The following ARHGEF40 variants were observed in gnomAD, a reference collection of about 807,000 sequenced individuals.
ARHGEF40 encodes Rho guanine nucleotide exchange factor 40, also known as Rho guanine nucleotide exchange factor (GEF) 40.
ARHGEF40 carries 98 observed loss-of-function variants against 165.9 expected under a neutral mutation model. That is an observed-to-expected ratio of 0.59 (90% confidence interval 0.50 to 0.70). ARHGEF40 has a LOEUF of 0.70. ARHGEF40 is among the 30% of genes least tolerant of loss of function. ARHGEF40 has a pLI of 0.00. For synonymous variants in ARHGEF40, 792 were observed against 814.3 expected, an observed-to-expected ratio of 0.97 and a Z score of 0.47; for missense variants, 1,815 against 1,968.0, an observed-to-expected ratio of 0.92 and a Z score of 1.47.
rs1887303847 is a variant in ARHGEF40, at chr14:21,075,162, G to A, written c.1432G>A (p.Gly478Ser). Residue 478 changes from glycine to serine, a missense_variant, in exon 3 of 24, where the codon GGC (glycine) becomes AGC (serine). Coordinates refer to ENST00000298694, the MANE Select transcript of ARHGEF40 (RefSeq NM_018071.5). This position sits in a 1 kb window ranked among gnomAD's most constrained non-coding sequence, Gnocchi z 4.5. ...GAGERELEGP[G>S]LLCMAGHTGP... ...CGGAGAGAGAGAGCTGGAGGGGCCA[G>A]GCCTGCTGTGTATGGCAGGTGAGAT... The A allele has an allele frequency of 1.9e-6, 3 of 1,603,188 alleles. No homozygotes were observed. The highest frequency in any genetic ancestry group is 2.6e-6 in the Non-Finnish European group (3 of 1,175,538).
chr14:21,075,242 G>T lies in ARHGEF40; in HGVS notation c.1450+62G>T. ...CCAAAGCAGGTCGGGCCTATGGGAG[G>T]GGGCAGGAGGAGGAGCAGGGTTAGG... On this transcript the variant is annotated intron_variant, in intron 3 of 23. Coordinates refer to ENST00000298694, the MANE Select transcript of ARHGEF40 (RefSeq NM_018071.5). The surrounding 1 kb of genome is among the most constrained non-coding windows in gnomAD (Gnocchi z 4.5). The T allele has an allele frequency of 1.3e-6, 2 of 1,586,630 alleles. No homozygotes were observed. Among genetic ancestry groups the T allele is most frequent in the Non-Finnish European group, 1.7e-6 (2 of 1,167,090 alleles).
chr14:21,068,092 C>T (rs1419780009), upstream of ARHGEF40, among the ~76,000 whole-genome samples: 2 of 44,608 alleles, frequency 4.5e-5, 1 homozygote, highest in Non-Finnish European at 1.2e-4. Context: ...CTCCGCCTCC[C>T]GGGTTCACGC....
rs1396681426 is a variant in ARHGEF40 at position 21,073,052 on chromosome 14, A to G, written c.11A>G (p.Glu4Gly). Residue 4 changes from glutamate (E) to glycine (G), a missense_variant, in exon 2 of 24, where the codon GAG becomes GGG. Physicochemically the swap from Glu to Gly is moderately conservative, Grantham distance 98. Coordinates refer to ENST00000298694, the MANE Select transcript of ARHGEF40 (RefSeq NM_018071.5). The surrounding 1 kb of genome is among the most constrained non-coding windows in gnomAD (Gnocchi z 4.6). ...CTGGTCCTATCTCTACAGGAGCCTG[A>G]GCCAGTGGAGGACTGTGTGCAGAGC... MEPEPVEDCVQSTL... is the reference protein window; with the variant it reads MEPGPVEDCVQSTL... 29 of 1,613,856 alleles carry G rather than the reference A, an allele frequency of 1.8e-5. No homozygotes were observed. Among genetic ancestry groups the G allele is most frequent in the Non-Finnish European group, 2.5e-5 (29 of 1,179,788 alleles).
upstream of ARHGEF40, chr14:21,070,297 C>T (rs898560927): frequency 1.3e-5 from 17 of 1,326,662 alleles, no homozygotes; most frequent in African/African-American, 6.2e-5. This position sits in a 1 kb window ranked among gnomAD's most constrained non-coding sequence, Gnocchi z 4.7. Flanking sequence ...GGAGCTGTCC[C>T]TTAGCCAGAC....
chr14:21,081,021 A>T lies in ARHGEF40; in HGVS notation c.2640+5A>T. 2 of 1,610,328 alleles carry T rather than the reference A, an allele frequency of 1.2e-6. No homozygotes were observed. Among genetic ancestry groups the T allele is most frequent in the Non-Finnish European group, 1.7e-6 (2 of 1,178,184 alleles). ...CTACAGCGCTTCTTCCAGCAGGTGC[A>T]TGCAGAGCCTTTTCCTTCTGTGCCC... On this transcript the variant is annotated splice_donor_5th_base_variant and intron_variant, in intron 13 of 23. Transcript: ENST00000298694.
At chr14:21,064,980 G>A in the ARHGEF40 span, among the ~76,000 whole-genome samples, 1 of 152,162 alleles carries the variant, frequency 6.6e-6, no homozygotes. Context: ...AGACCAGCCT[G>A]AGCAACATGC....
intron 11 of ARHGEF40, 56 bp from the exon 12 acceptor site, chr14:21,080,604 C>G: frequency 6.4e-7 from 1 of 1,560,316 alleles, no homozygotes. Context: ...TGGATCTCAG[C>G]CCTTCCTTGC....
chr14:21,083,065 G>T (rs1229152219), intron 16 of ARHGEF40, 148 bp downstream of exon 16: 2 of 724,338 alleles, frequency 2.8e-6, no homozygotes, highest in Non-Finnish European at 2.3e-6. Context: ...GGTGGGACAA[G>T]CACCGGACTG....
chr14:21,088,212 C>G, intron 22 of ARHGEF40, 114 bp downstream of exon 22: 1 of 1,302,536 alleles, frequency 7.7e-7, no homozygotes, highest in Middle Eastern at 2.7e-4. Context: ...AACTTGTGCT[C>G]CCAGCTGAGG....
At chr14:21,088,175 C>A in intron 22 of ARHGEF40, 77 bp downstream of exon 22, 1 of 1,502,754 alleles carries the variant, frequency 6.7e-7, no homozygotes, top group Non-Finnish European at 8.9e-7. Context: ...GATCATTCAA[C>A]CCCAGGGGGG....
At chr14:21,069,766 T>C (rs1566516520), upstream of ARHGEF40, among the ~76,000 whole-genome samples, 2 of 152,078 alleles carry the variant, frequency 1.3e-5, no homozygotes, top group Non-Finnish European at 2.9e-5. Context: ...CTCCGCTCTC[T>C]GCTAGGCAGG....
chr14:21,078,464 G>C lies in ARHGEF40; in HGVS notation c.2222G>C (p.Arg741Thr), dbSNP rs1291748871. Residue 741 changes from arginine to threonine, a missense_variant, in exon 10 of 24, where the codon AGG (arginine) becomes ACG (threonine). Transcript: ENST00000298694. ...LQRDGGAILM[R>T]LRSTPSSKLE... ...AGGGATGGGGGGGCCATCCTGATGA[G>C]GCTGCGCTCCACTCCCAGCAGCAAG... 1 of 1,601,646 alleles carries C rather than the reference G, an allele frequency of 6.2e-7. No individual in the cohort carries two copies. The highest frequency in any genetic ancestry group is 8.5e-7 in the Non-Finnish European group (1 of 1,172,824).
chr14:21,074,465 G>A lies in ARHGEF40; in HGVS notation c.735G>A (p.Leu245=), dbSNP rs1887232441. ...VEGPEGEYVE[L]LEVTLPVRGS... Reference sequence around the variant, plus strand: ...GACCTGAGGGCGAGTATGTGGAGCTGTTAGAGGTGACGCTGCCCGTGAGGG... The same window carrying A: ...GACCTGAGGGCGAGTATGTGGAGCTATTAGAGGTGACGCTGCCCGTGAGGG... Residue 245 remains leucine (L), a synonymous_variant, in exon 3 of 24, where the codon CTG becomes CTA. Coordinates refer to ENST00000298694, the MANE Select transcript of ARHGEF40 (RefSeq NM_018071.5). The surrounding 1 kb of genome is among the most constrained non-coding windows in gnomAD (Gnocchi z 4.8). The A allele has an allele frequency of 6.3e-7, 1 of 1,584,926 alleles. No individual in the cohort carries two copies. Among genetic ancestry groups the A allele is most frequent in the Non-Finnish European group, 8.6e-7 (1 of 1,165,604 alleles).
Position 21,074,532 on chromosome 14 carries a change from G to A in ARHGEF40, c.802G>A (p.Val268Ile), listed in dbSNP as rs767914056. ...TGAAGGCTCCCCAGGCCTCTCCAGA[G>A]TCCGGACGGTACCCACCCGCAAGGG... ...DAEGSPGLSR[V>I]RTVPTRKGAG... Residue 268 changes from valine (V) to isoleucine (I), a missense_variant, in exon 3 of 24, where the codon GTC (valine) becomes ATC (isoleucine). Transcript: ENST00000298694. The surrounding 1 kb of genome is among the most constrained non-coding windows in gnomAD (Gnocchi z 4.8). 3 of 1,551,060 alleles carry A rather than the reference G, an allele frequency of 1.9e-6. 1 individual carries two copies. The Admixed American group carries it at 6.0e-5, about 31-fold the overall frequency.
chr14:21,080,088 C>A (rs1222011657), intron 11 of ARHGEF40, among the ~76,000 whole-genome samples: 1 of 152,126 alleles, frequency 6.6e-6, no homozygotes, highest in Admixed American at 6.5e-5. Flanking sequence ...GGCTGTCCCA[C>A]CCCCAGCTTC....
At chr14:21,064,072 A>G in the ARHGEF40 span, among the ~76,000 whole-genome samples, 1 of 152,194 alleles carries the variant, frequency 6.6e-6, no homozygotes, top group African/African-American at 2.4e-5. Flanking sequence ...TGCCCTCCAC[A>G]TATTGCCACA....
At chr14:21,067,303 C>A (rs1249389436), upstream of ARHGEF40, among the ~76,000 whole-genome samples, 1 of 151,432 alleles carries the variant, frequency 6.6e-6, no homozygotes, top group Non-Finnish European at 1.5e-5. Flanking sequence ...CTCTGACCCA[C>A]GGGGACATAT....
rs1358196042 is a variant in ARHGEF40 at position 21,075,210 on chromosome 14, G to A, written c.1450+30G>A. On this transcript the variant is annotated intron_variant, in intron 3 of 23. Transcript: ENST00000298694. The surrounding 1 kb of genome is among the most constrained non-coding windows in gnomAD (Gnocchi z 4.5). Reference sequence around the variant, plus strand: ...GATGACACGGAGTGAGGCTCATGGGGCAAGGGCCAAAGCAGGTCGGGCCTA... The same window carrying A: ...GATGACACGGAGTGAGGCTCATGGGACAAGGGCCAAAGCAGGTCGGGCCTA... 1.9e-6 allele frequency: 3 copies of A among 1,583,222 alleles called. No individual in the cohort carries two copies. Among genetic ancestry groups the A allele is most frequent in the Admixed American group, 3.5e-5 (2 of 57,296 alleles).
intron 18 of ARHGEF40, 22 bp from the exon 19 acceptor site, chr14:21,085,667 G>A (rs574879087): frequency 8.3e-5 from 133 of 1,609,184 alleles, no homozygotes; most frequent in Middle Eastern, 8.0e-4. Context: ...GTCTTCACCC[G>A]CTGCCCTCTG....
Sources: allele counts gnomAD v4.1 joint callset (sites outside exome capture counted in the v4.1 genomes callset), GRCh38; gene constraint gnomAD v4.1.1; non-coding constraint Gnocchi (gnomAD v3.1); transcripts MANE v1.5; gene names NCBI Gene and HGNC (gene_info 2026-07-23, HGNC 2026-07-21).